Variants in PSD3 observed in about 807,000 individuals in gnomAD.
PSD3 encodes PH and SEC7 domain-containing protein 3.
In PSD3, 49 loss-of-function variants were observed where a neutral mutation model predicts 105.5. That is an observed-to-expected ratio of 0.46 (90% CI 0.37 to 0.59). The LOEUF is 0.59. Among genes scored for constraint, PSD3 ranks in the 20% least tolerant of loss-of-function variants. The pLI is 0.00. For synonymous variants in PSD3, 557 were observed against 457.8 expected (o/e 1.22, Z -2.77); for missense variants, 1,561 against 1,263.8 (o/e 1.24, Z -3.57).
chr8:19,026,822 A>G (rs189087134), intron 1 of PSD3, among the ~76,000 whole-genome samples: 1 of 151,898 alleles, frequency 6.6e-6, no homozygotes, highest in Admixed American at 6.6e-5. Context: ...GCAGTGAGCC[A>G]TGATTACATC....
At chr8:18,930,716 T>A (rs1050133292) in intron 2 of PSD3, among the ~76,000 whole-genome samples, 1 of 151,974 alleles carries the variant, frequency 6.6e-6, no homozygotes, top group African/African-American at 2.4e-5. Flanking sequence ...ATGACAGGCA[T>A]GTGCAACCAC....
chr8:18,992,313 A>G (rs75447136), intron 1 of PSD3, among the ~76,000 whole-genome samples: 3 of 77,756 alleles, frequency 3.9e-5, no homozygotes, highest in Admixed American at 4.2e-4. Flanking sequence ...GATACTTAAA[A>G]AAAAAAAAAA....
At chr8:18,984,656 C>G (rs907162150) in intron 1 of PSD3, among the ~76,000 whole-genome samples, 54 of 152,212 alleles carry the variant, frequency 3.5e-4, no homozygotes, top group African/African-American at 1.3e-3. Flanking sequence ...ATTATAATTC[C>G]TTAATTGTAG....
intron 8 of PSD3, among the ~76,000 whole-genome samples, chr8:18,765,892 C>T (rs1271250997): frequency 6.6e-6 from 1 of 151,100 alleles, no homozygotes; most frequent in African/African-American, 2.4e-5. Flanking sequence ...CGCTTGAACC[C>T]GGGAGGCAGA....
chr8:18,541,704 A>G (rs1800159386), intron 15 of PSD3, among the ~76,000 whole-genome samples: 1 of 151,190 alleles, frequency 6.6e-6, no homozygotes, highest in Non-Finnish European at 1.5e-5. Flanking sequence ...AACGTAGGTT[A>G]TATTACACTT....
chr8:18,599,190 GT>G, intron 12 of PSD3, among the ~76,000 whole-genome samples: 1 of 152,240 alleles, frequency 6.6e-6, no homozygotes, highest in East Asian at 1.9e-4. Context: ...AATCAATATG[GT>G]TCTGGCATAA....
intron 9 of PSD3, among the ~76,000 whole-genome samples, chr8:18,674,386 G>C (rs1219648752): frequency 6.6e-6 from 1 of 152,116 alleles, no homozygotes; most frequent in East Asian, 1.9e-4. Flanking sequence ...CTTAAATAGT[G>C]AACACGTCTA....
intron 9 of PSD3, among the ~76,000 whole-genome samples, chr8:18,671,843 G>C (rs986811462): frequency 1.2e-4 from 18 of 152,216 alleles, no homozygotes; most frequent in African/African-American, 4.3e-4. Context: ...GTGTTAGCCA[G>C]AATGGTCTCG....
intron 2 of PSD3, among the ~76,000 whole-genome samples, chr8:18,888,411 CT>C (rs1818571654): frequency 2.0e-5 from 3 of 151,922 alleles, no homozygotes; most frequent in Admixed American, 6.6e-5. Context: ...GGCTATTAAT[CT>C]GGATTCCGTC....
intron 2 of PSD3, among the ~76,000 whole-genome samples, chr8:18,927,091 A>G (rs556456835): frequency 6.6e-6 from 1 of 152,270 alleles, no homozygotes; most frequent in African/African-American, 2.4e-5. Context: ...CGCTGAAGAG[A>G]TGCATATGGT....
upstream of PSD3, among the ~76,000 whole-genome samples, chr8:19,017,810 C>A (rs921741287): frequency 1.3e-5 from 2 of 152,228 alleles, no homozygotes; most frequent in Non-Finnish European, 2.9e-5. Flanking sequence ...TTTATGAGTT[C>A]ATGGACATTT....
intron 9 of PSD3, among the ~76,000 whole-genome samples, chr8:18,714,074 C>T (rs1563192826): frequency 6.6e-6 from 1 of 152,112 alleles, no homozygotes; most frequent in Non-Finnish European, 1.5e-5. Context: ...AACTGGCTAG[C>T]CATATGCATA....
rs375142502 is a variant in PSD3 at position 18,851,680 on chromosome 8, G to A, written c.1634+15994C>T. 7.9e-5 allele frequency among the ~76,000 whole-genome samples: 12 copies of A among 152,310 alleles called. No homozygotes were observed. In the South Asian group the frequency reaches 1.5e-3, roughly 18 times the overall value. On this transcript the variant is annotated intron_variant, in intron 4 of 15. Transcript: ENST00000327040. ...CCAGACATTCCAGACACTGTGCCACGGAATTGCAGGGAGGGACCGAGCTGC... is the reference window on the plus strand; with the variant it reads ...CCAGACATTCCAGACACTGTGCCACAGAATTGCAGGGAGGGACCGAGCTGC...
At chr8:18,700,891 T>A (rs1801538407) in intron 9 of PSD3, among the ~76,000 whole-genome samples, 1 of 152,178 alleles carries the variant, frequency 6.6e-6, no homozygotes, top group Non-Finnish European at 1.5e-5. Flanking sequence ...GACCTCAGTT[T>A]ATATATCTGT....
chr8:19,002,168 T>A (rs1826434822), intron 1 of PSD3, among the ~76,000 whole-genome samples: 1 of 152,054 alleles, frequency 6.6e-6, no homozygotes, highest in South Asian at 2.1e-4. Flanking sequence ...GCTAAAGCTG[T>A]TGGCCAGAAA....
chr8:18,924,726 G>A (rs1821253638), intron 2 of PSD3: 1 of 152,146 alleles, frequency 6.6e-6, no homozygotes. Context: ...TGTGTATGGT[G>A]AGGCGTCTAC....
At chr8:18,889,002 C>T (rs1464204008) in intron 2 of PSD3, among the ~76,000 whole-genome samples, 1 of 152,148 alleles carries the variant, frequency 6.6e-6, no homozygotes, top group Admixed American at 6.5e-5. Flanking sequence ...CCACCCCCAC[C>T]CACCATCTTC....
intron 8 of PSD3, among the ~76,000 whole-genome samples, chr8:18,773,465 C>T (rs1201028480): frequency 1.3e-5 from 2 of 151,938 alleles, no homozygotes; most frequent in African/African-American, 2.4e-5. Context: ...ATTTGGGGTA[C>T]CTTGAACTCT....
At chr8:18,910,144 C>T (rs938727010) in intron 2 of PSD3, among the ~76,000 whole-genome samples, 1 of 151,908 alleles carries the variant, frequency 6.6e-6, no homozygotes, top group Non-Finnish European at 1.5e-5. Context: ...TGGGTATATA[C>T]CCAAATGAGT....
Sources: allele counts gnomAD v4.1 joint callset (sites outside exome capture counted in the v4.1 genomes callset), GRCh38; gene constraint gnomAD v4.1.1; transcripts MANE v1.5; gene names NCBI Gene and HGNC (gene_info 2026-07-23, HGNC 2026-07-21).